The following ADAMTSL3 variants were observed in gnomAD, a reference collection of about 807,000 sequenced individuals.
ADAMTSL3 encodes ADAMTS like 3.
A neutral mutation model predicts 201.7 loss-of-function variants in ADAMTSL3; 128 were observed. The observed-to-expected ratio is 0.63, with a 90% CI of 0.55 to 0.73. The LOEUF (loss-of-function observed/expected upper bound fraction) is 0.73. Ranked by LOEUF, ADAMTSL3 falls within the 30% of genes least tolerant of loss-of-function variation. The pLI, the probability that ADAMTSL3 is intolerant of heterozygous loss-of-function variation, is 0.00. For synonymous variants in ADAMTSL3, 738 were observed against 748.4 expected (o/e 0.99, Z 0.23); for missense variants, 1,990 against 2,119.6 (o/e 0.94, Z 1.20).
chr15:83,944,737 A>G (rs899975770), intron 19 of ADAMTSL3, among the ~76,000 whole-genome samples: 2 of 152,228 alleles, frequency 1.3e-5, no homozygotes, highest in African/African-American at 4.8e-5. Context: ...CAACAGACCC[A>G]TGCTGGTACC....
At chr15:83,907,006 C>T (rs1245208584) in intron 15 of ADAMTSL3, among the ~76,000 whole-genome samples, 1 of 150,390 alleles carries the variant, frequency 6.6e-6, no homozygotes, top group East Asian at 2.0e-4. Flanking sequence ...GAGAGGCTCA[C>T]TTGGTTGAGC....
In ADAMTSL3 at chr15:83,899,696, A is replaced by C; in HGVS notation, c.1665A>C (p.Glu555Asp). 6.2e-7 allele frequency: 1 copy of C among 1,612,236 alleles called. No homozygotes were observed. The highest frequency in any genetic ancestry group is 1.1e-5 in the South Asian group (1 of 90,890). Residue 555 changes from glutamate (E) to aspartate (D), a missense_variant, in exon 15 of 30, where the codon GAA becomes GAC. Physicochemically the swap from Glu to Asp is conservative, Grantham distance 45 (BLOSUM62 2). Transcript: ENST00000286744. ...AKLPWLKQAQ[E>D]LEETRIATEE... ...TGCCTTGGCTGAAACAAGCACAAGA[A>C]CTAGAAGAGACCAGAATAGCAACAG...
intron 3 of ADAMTSL3, among the ~76,000 whole-genome samples, chr15:83,760,311 T>G (rs909716061): frequency 6.6e-6 from 1 of 152,202 alleles, no homozygotes; most frequent in Non-Finnish European, 1.5e-5. Flanking sequence ...GGAATGTGTT[T>G]GGACATTTTC....
chr15:83,848,520 A>C (rs1038305655), intron 7 of ADAMTSL3, among the ~76,000 whole-genome samples: 1 of 152,192 alleles, frequency 6.6e-6, no homozygotes, highest in African/African-American at 2.4e-5. Context: ...AAGTCAGTGA[A>C]TCTTAGGTCA....
At chr15:83,859,039 C>T (rs2064801337) in intron 8 of ADAMTSL3, among the ~76,000 whole-genome samples, 199 bp downstream of exon 8, 1 of 152,194 alleles carries the variant, frequency 6.6e-6, no homozygotes, top group South Asian at 2.1e-4. Flanking sequence ...CAGCCAGAGA[C>T]AGTGAGGCAT....
chr15:83,820,440 G>A (rs537108523), intron 6 of ADAMTSL3, among the ~76,000 whole-genome samples: 1 of 152,292 alleles, frequency 6.6e-6, no homozygotes, highest in South Asian at 2.1e-4. Flanking sequence ...TGTGATAACA[G>A]AGTGTTGGGC....
chr15:84,005,659 G>A lies in ADAMTSL3; in HGVS notation c.3974-8883G>A, dbSNP rs78137732. ...CTGCCCAGGCTCGCGCAAAGCAGAA[G>A]CCCAGGGTACGTGAGAGATGAGAAT... On this transcript the variant is annotated intron_variant, in intron 23 of 29. Transcript: ENST00000286744. 5.9e-3 allele frequency among the ~76,000 whole-genome samples: 900 copies of A among 152,324 alleles called. 12 individuals carry two copies. Among genetic ancestry groups the A allele is most frequent in the African/African-American group, 0.02 (837 of 41,570 alleles).
chr15:83,904,631 A>C (rs1213279368), intron 15 of ADAMTSL3, among the ~76,000 whole-genome samples: 1 of 152,242 alleles, frequency 6.6e-6, no homozygotes, highest in African/African-American at 2.4e-5. Context: ...AGGGAACTGC[A>C]GTACTGACCT....
intron 4 of ADAMTSL3, among the ~76,000 whole-genome samples, chr15:83,782,965 CATATATT>C (rs1460083838): frequency 1.2e-4 from 18 of 144,568 alleles, no homozygotes; most frequent in African/African-American, 3.0e-4. Context: ...ATTATATATA[CATATATT>C]ATATATATAC....
intron 3 of ADAMTSL3, among the ~76,000 whole-genome samples, chr15:83,763,649 C>T (rs561700623): frequency 3.9e-5 from 6 of 152,092 alleles, no homozygotes; most frequent in South Asian, 2.1e-4. Flanking sequence ...GGACTACAGG[C>T]GCCCACCACC....
At chr15:83,756,443 G>C (rs1285844087) in intron 3 of ADAMTSL3, among the ~76,000 whole-genome samples, 1 of 152,146 alleles carries the variant, frequency 6.6e-6, no homozygotes, top group Non-Finnish European at 1.5e-5. Flanking sequence ...ATCAGATGTT[G>C]TGAGACTTAT....
intron 4 of ADAMTSL3, among the ~76,000 whole-genome samples, chr15:83,783,283 C>T (rs971296330): frequency 1.3e-5 from 2 of 151,686 alleles, no homozygotes; most frequent in Non-Finnish European, 2.9e-5. Flanking sequence ...ATTCAGATAT[C>T]ACAAGGGCAA....
At chr15:83,958,179 G>C (rs1040772209) in intron 19 of ADAMTSL3, among the ~76,000 whole-genome samples, 1 of 152,144 alleles carries the variant, frequency 6.6e-6, no homozygotes, top group Non-Finnish European at 1.5e-5. Flanking sequence ...CGAATAAATA[G>C]CATGACAAGA....
At chr15:83,733,332 T>A in intron 3 of ADAMTSL3, among the ~76,000 whole-genome samples, 1 of 152,052 alleles carries the variant, frequency 6.6e-6, no homozygotes, top group Non-Finnish European at 1.5e-5. Flanking sequence ...ATCGTAGAGG[T>A]GTTGACAGAG....
intron 3 of ADAMTSL3, among the ~76,000 whole-genome samples, chr15:83,723,170 G>A (rs2062124633): frequency 6.6e-6 from 1 of 152,130 alleles, no homozygotes; most frequent in South Asian, 2.1e-4. Context: ...AGAAAAGCAA[G>A]TGACTGGTTA....
chr15:83,935,209 G>A (rs2066440711), intron 17 of ADAMTSL3, among the ~76,000 whole-genome samples: 1 of 152,104 alleles, frequency 6.6e-6, no homozygotes, highest in Non-Finnish European at 1.5e-5. Flanking sequence ...TGAAAAAGAA[G>A]AGAGAATCAT....
At chr15:83,830,030 T>G (rs920689534) in intron 6 of ADAMTSL3, among the ~76,000 whole-genome samples, 5 of 152,058 alleles carry the variant, frequency 3.3e-5, no homozygotes, top group African/African-American at 4.8e-5. Context: ...AGGAAACAGA[T>G]CTTTTACGGC....
intron 5 of ADAMTSL3, among the ~76,000 whole-genome samples, chr15:83,809,772 A>G (rs1874926363): frequency 6.6e-6 from 1 of 152,222 alleles, no homozygotes; most frequent in Non-Finnish European, 1.5e-5. Context: ...AGGAGATCTC[A>G]TTTCAAATGA....
intron 10 of ADAMTSL3, among the ~76,000 whole-genome samples, chr15:83,887,061 G>A (rs543379430): frequency 2.6e-5 from 4 of 152,246 alleles, no homozygotes; most frequent in African/African-American, 9.6e-5. Flanking sequence ...TGGACCTGCA[G>A]CATCAGCATC....
Sources: allele counts gnomAD v4.1 joint callset (sites outside exome capture counted in the v4.1 genomes callset), GRCh38; gene constraint gnomAD v4.1.1; transcripts MANE v1.5; gene names NCBI Gene and HGNC (gene_info 2026-07-23, HGNC 2026-07-21).